UBE2E2: variants seen among roughly 807,000 people sequenced by gnomAD.
The protein encoded by UBE2E2 is ubiquitin conjugating enzyme E2 E2.
In UBE2E2, 6 loss-of-function variants were observed where a neutral mutation model predicts 24.7. That is an observed-to-expected ratio of 0.24 (90% CI 0.13 to 0.48). The LOEUF (loss-of-function observed/expected upper bound fraction) is 0.48, where lower values mean the gene tolerates loss of function less well. Among genes scored for constraint, UBE2E2 ranks in the 20% least tolerant of loss-of-function variants. UBE2E2 has a pLI of 0.99. For synonymous variants in UBE2E2, 104 were observed against 83.6 expected, an observed-to-expected ratio of 1.24 and a Z score of -1.33; for missense variants, 169 against 245.0, an observed-to-expected ratio of 0.69 and a Z score of 2.07.
In UBE2E2 at chr3:23,485,792, G is replaced by T. The variant is rs139440756; in HGVS notation, c.228-13816G>T. 4.3e-3 allele frequency among the ~76,000 whole-genome samples: 657 copies of T among 152,338 alleles called. 5 individuals carry two copies. Among genetic ancestry groups the T allele is most frequent in the Middle Eastern group, 0.01 (3 of 294 alleles). Reference sequence around the variant, plus strand: ...TGATCTCAGAATTTAATGGGGAGAAGTATGGGGGACAGAGAGAGACATTAG... The same window carrying T: ...TGATCTCAGAATTTAATGGGGAGAATTATGGGGGACAGAGAGAGACATTAG... On this transcript the variant is annotated intron_variant, in intron 3 of 5. Transcript: ENST00000396703.
chr3:23,521,470 G>A (rs188004059), intron 4 of UBE2E2, among the ~76,000 whole-genome samples: 29 of 152,272 alleles, frequency 1.9e-4, no homozygotes, highest in Middle Eastern at 3.4e-3. Flanking sequence ...AAGAGATGTT[G>A]GTCCTTTGGA....
chr3:23,263,559 C>T lies in UBE2E2; in HGVS notation c.227+46247C>T, dbSNP rs192012132. Among the ~76,000 whole-genome samples the T allele has an allele frequency of 6.6e-4, 100 of 152,238 alleles. 5 individuals carry two copies. In the East Asian group the frequency reaches 0.016, roughly 24 times the overall value. ...TCATGTCACCTTAGTGGAAGATGCTCATCTTTTATTTATTTATTTTTCTAT... is the reference window on the plus strand; with the variant it reads ...TCATGTCACCTTAGTGGAAGATGCTTATCTTTTATTTATTTATTTTTCTAT... On this transcript the variant is annotated intron_variant, in intron 3 of 5. Transcript: ENST00000396703.
chr3:23,377,186 C>G (rs1696545488), intron 3 of UBE2E2, among the ~76,000 whole-genome samples: 2 of 152,058 alleles, frequency 1.3e-5, no homozygotes, highest in South Asian at 4.2e-4. Context: ...GAAATCAAGC[C>G]CCTGACTTGG....
chr3:23,436,380 A>T (rs563182589), intron 3 of UBE2E2, among the ~76,000 whole-genome samples: 145 of 152,240 alleles, frequency 9.5e-4, no homozygotes, highest in African/African-American at 3.3e-3. Context: ...TTTCGTTAGT[A>T]ATTGAGTACT....
At chr3:23,580,779 A>C (rs558537757) in intron 5 of UBE2E2, among the ~76,000 whole-genome samples, 133 of 152,358 alleles carry the variant, frequency 8.7e-4, no homozygotes, top group African/African-American at 2.9e-3. Flanking sequence ...AAAAAAGTAG[A>C]AAAGGTTATC....
At chr3:23,392,237 A>T (rs1329151814) in intron 3 of UBE2E2, among the ~76,000 whole-genome samples, 4 of 152,234 alleles carry the variant, frequency 2.6e-5, no homozygotes, top group Admixed American at 2.0e-4. Flanking sequence ...ATATAACATT[A>T]TGCTAGCACA....
chr3:23,301,028 T>C (rs1269201694), intron 3 of UBE2E2, among the ~76,000 whole-genome samples: 2 of 152,222 alleles, frequency 1.3e-5, no homozygotes, highest in African/African-American at 2.4e-5. Context: ...CTTCATTTCA[T>C]TCGTTTAGTC....
chr3:23,343,253 G>A (rs1225401940), intron 3 of UBE2E2, among the ~76,000 whole-genome samples: 2 of 152,014 alleles, frequency 1.3e-5, no homozygotes, highest in Non-Finnish European at 2.9e-5. Context: ...AAAGCAAGAC[G>A]CAAGACTGAA....
At chr3:23,547,546 G>A (rs1285638321) in intron 5 of UBE2E2, among the ~76,000 whole-genome samples, 4 of 152,156 alleles carry the variant, frequency 2.6e-5, no homozygotes, top group Non-Finnish European at 4.4e-5. Context: ...CTTGTTATTG[G>A]TAAATGGAGT....
chr3:23,346,806 T>A (rs1230502490), intron 3 of UBE2E2, among the ~76,000 whole-genome samples: 1 of 152,220 alleles, frequency 6.6e-6, no homozygotes, highest in Non-Finnish European at 1.5e-5. Flanking sequence ...TTCTTTGTGA[T>A]GTTTTTGAAA....
chr3:23,297,803 G>C (rs1465034469), intron 3 of UBE2E2, among the ~76,000 whole-genome samples: 1 of 152,136 alleles, frequency 6.6e-6, no homozygotes, highest in African/African-American at 2.4e-5. Flanking sequence ...CTTTAAAGTA[G>C]TTTTTTCCAA....
At chr3:23,466,898 T>C (rs1343795605) in intron 3 of UBE2E2, among the ~76,000 whole-genome samples, 1 of 152,210 alleles carries the variant, frequency 6.6e-6, no homozygotes, top group Non-Finnish European at 1.5e-5. Flanking sequence ...ATTTTTCTTA[T>C]AATGACATAT....
rs1698456604 is a variant in UBE2E2, at chr3:23,280,134, T to A, written c.227+62822T>A. ...ATATCACATTCTTTTTTGAGGAAGC[T>A]TTTATAGAGAAGAAACACTGTGGGT... is the stretch of plus-strand genomic sequence containing the variant. On this transcript the variant is annotated intron_variant, in intron 3 of 5. Transcript: ENST00000396703. This position sits in a 1 kb window ranked among gnomAD's most constrained non-coding sequence, Gnocchi z 4.3. Among the ~76,000 whole-genome samples the A allele has an allele frequency of 6.6e-6, 1 of 152,212 alleles. No individual in the cohort carries two copies. Among genetic ancestry groups the A allele is most frequent in the Non-Finnish European group, 1.5e-5 (1 of 68,028 alleles).
intron 3 of UBE2E2, among the ~76,000 whole-genome samples, chr3:23,475,681 T>C (rs1194203919): frequency 1.3e-5 from 2 of 152,080 alleles, no homozygotes; most frequent in Non-Finnish European, 2.9e-5. Context: ...AACTTACAGA[T>C]GGAAGCATAC....
intron 5 of UBE2E2, among the ~76,000 whole-genome samples, chr3:23,588,889 A>G (rs1003179202): frequency 4.6e-5 from 7 of 152,208 alleles, no homozygotes; most frequent in Admixed American, 6.5e-5. Context: ...ATAATGAGCT[A>G]TGTAGGTTGG....
At chr3:23,277,848 A>G (rs193084521) in intron 3 of UBE2E2, among the ~76,000 whole-genome samples, 4 of 152,152 alleles carry the variant, frequency 2.6e-5, no homozygotes, top group Non-Finnish European at 5.9e-5. Context: ...AACAGTCAAT[A>G]GTTAATTACA....
chr3:23,392,346 T>A (rs1696958691), intron 3 of UBE2E2, among the ~76,000 whole-genome samples: 1 of 152,172 alleles, frequency 6.6e-6, no homozygotes, highest in South Asian at 2.1e-4. Flanking sequence ...CCCTGGAGAT[T>A]AAAATCCAGT....
At chr3:23,460,325 C>T (rs540707998) in intron 3 of UBE2E2, among the ~76,000 whole-genome samples, 12 of 152,294 alleles carry the variant, frequency 7.9e-5, no homozygotes, top group Admixed American at 2.0e-4. Context: ...TGTGAAAATG[C>T]GCTTTTTGCC....
At chr3:23,334,613 G>A (rs1695155790) in intron 3 of UBE2E2, among the ~76,000 whole-genome samples, 1 of 152,064 alleles carries the variant, frequency 6.6e-6, no homozygotes, top group Non-Finnish European at 1.5e-5. Context: ...GGATAAAAAG[G>A]TATGTTTTGA....
Sources: gnomAD v4.1 joint callset for allele counts (sites outside exome capture counted in the v4.1 genomes callset) on GRCh38, gnomAD v4.1.1 for gene constraint, Gnocchi (gnomAD v3.1) non-coding constraint, MANE v1.5 for transcripts, NCBI Gene and HGNC (gene_info 2026-07-23, HGNC 2026-07-21) for gene names.